The following FAM151A variants were observed in gnomAD, a reference collection of about 807,000 sequenced individuals.
The protein encoded by FAM151A is protein FAM151A.
In FAM151A, 41 loss-of-function variants were observed where a neutral mutation model predicts 40.4. That is an observed-to-expected ratio of 1.01 (90% CI 0.79 to 1.32). FAM151A has a LOEUF of 1.32. Among genes scored for constraint, FAM151A ranks in the 40% most tolerant of loss-of-function variants. FAM151A has a pLI of 0.00. For missense variants in FAM151A, 740 were observed against 740.4 expected (o/e 1.00, Z 0.01); for synonymous variants, 337 against 312.5 (o/e 1.08, Z -0.83).
chr1:54,620,049 C>T lies in FAM151A; in HGVS notation c.119-42G>A, dbSNP rs200525972. On this transcript the variant is annotated intron_variant, in intron 1 of 7. Coordinates refer to ENST00000302250, the MANE Select transcript of FAM151A (RefSeq NM_176782.3). ...GGGGCTGTTAGCGTCTGTCCTCGCC[C>T]CAGCCCAAGACTCATGTTCGTTCAT... 4.6e-5 allele frequency: 73 copies of T among 1,601,726 alleles called. 1 individual carries two copies. The African/African-American group carries it at 9.1e-4, about 20-fold the overall frequency.
At chr1:54,616,285 A>G in intron 2 of FAM151A, 113 bp from the exon 3 acceptor site, 1 of 936,388 alleles carries the variant, frequency 1.1e-6, no homozygotes. Context: ...GAAAAGTGGA[A>G]GAGGAAAATA....
chr1:54,612,377 A>G, intron 5 of FAM151A, 109 bp downstream of exon 5: 3 of 745,636 alleles, frequency 4.0e-6, no homozygotes, highest in South Asian at 3.4e-5. Flanking sequence ...GAGCACTGGC[A>G]GGGGTTGGAC....
chr1:54,612,446 G>T, intron 5 of FAM151A, 40 bp downstream of exon 5: 1 of 1,454,024 alleles, frequency 6.9e-7, no homozygotes, highest in Non-Finnish European at 9.6e-7. Context: ...GGGGGCATCA[G>T]TGCCTCCAGG....
At chr1:54,618,183 G>A (rs1054554055) in intron 2 of FAM151A, among the ~76,000 whole-genome samples, 1 of 152,078 alleles carries the variant, frequency 6.6e-6, no homozygotes, top group Non-Finnish European at 1.5e-5. Flanking sequence ...GGCACCTCCT[G>A]CTCATCCTTT....
At chr1:54,610,886 C>T (rs1247027685) in intron 6 of FAM151A, 5 of 985,356 alleles carry the variant, frequency 5.1e-6, no homozygotes, top group Middle Eastern at 5.2e-4. Flanking sequence ...AACTGCGGCT[C>T]TTCTGGGTTC....
intron 2 of FAM151A, among the ~76,000 whole-genome samples, chr1:54,617,046 G>A (rs745999192): frequency 2.0e-5 from 3 of 152,120 alleles, no homozygotes; most frequent in Non-Finnish European, 4.4e-5. Context: ...ACTGCTTTCC[G>A]GAAAAGTTGT....
In FAM151A at chr1:54,609,426, G is replaced by A. The variant is rs41297135; in HGVS notation, c.1600C>T (p.Arg534Trp). The change falls in exon 8 of 8, where the codon CGG (arginine) becomes TGG (tryptophan). Residue 534 changes from arginine (R) to tryptophan (W), a missense_variant. Arg to Trp is a moderately radical substitution (Grantham distance 101). Coordinates refer to ENST00000302250, the MANE Select transcript of FAM151A (RefSeq NM_176782.3). Reference sequence around the variant, plus strand: ...TTGTGCTCCACTGTGACGGTGGCCCGGGGGGAGGATGCCAGCAGCCTGCCT... The same window carrying A: ...TTGTGCTCCACTGTGACGGTGGCCCAGGGGGAGGATGCCAGCAGCCTGCCT... Reference protein sequence around the residue: ...AIGRLLASSPRATVTVEHNPA... With the variant: ...AIGRLLASSPWATVTVEHNPA... 1.4e-5 allele frequency: 22 copies of A among 1,613,334 alleles called. No homozygotes were observed. The highest frequency in any genetic ancestry group is 3.3e-4 in the Middle Eastern group (2 of 6,082).
rs1644147633 is a variant in FAM151A, at chr1:54,614,233, G to A, written c.575+467C>T. Among the ~76,000 whole-genome samples the A allele has an allele frequency of 2.0e-5, 3 of 152,250 alleles. No homozygotes were observed. The South Asian group carries it at 6.2e-4, about 32-fold the overall frequency. On this transcript the variant is annotated intron_variant, in intron 4 of 7. Coordinates refer to ENST00000302250, the MANE Select transcript of FAM151A (RefSeq NM_176782.3). ...TGTGAGGGCTGTGAGCAGCGGTGCT[G>A]GAATTCATGAGGGGAATTCCAGCTG...
intron 6 of FAM151A, among the ~76,000 whole-genome samples, chr1:54,611,292 G>A (rs1258685984): frequency 6.6e-6 from 1 of 152,044 alleles, no homozygotes; most frequent in Non-Finnish European, 1.5e-5. Context: ...AAAATTAGCC[G>A]GGCATGGTGG....
intron 3 of FAM151A, 103 bp from the exon 4 acceptor site, chr1:54,614,962 G>GTGTTCA: frequency 8.6e-7 from 1 of 1,164,722 alleles, no homozygotes. Context: ...GTGCATGTGC[G>GTGTTCA]TGCACAGTGG....
chr1:54,612,738 C>G, intron 4 of FAM151A, 28 bp from the exon 5 acceptor site: 2 of 1,578,500 alleles, frequency 1.3e-6, no homozygotes, highest in Non-Finnish European at 1.7e-6. Flanking sequence ...ATGTTGGTCT[C>G]ACGGAGCTGC....
intron 1 of FAM151A, among the ~76,000 whole-genome samples, chr1:54,620,674 G>T (rs1557674545): frequency 7.0e-6 from 1 of 142,298 alleles, no homozygotes; most frequent in Admixed American, 7.0e-5. Flanking sequence ...GTGAAACCAT[G>T]TCTCTACTAC....
intron 4 of FAM151A, among the ~76,000 whole-genome samples, chr1:54,613,648 C>T (rs998736264): frequency 6.6e-5 from 10 of 152,120 alleles, no homozygotes; most frequent in South Asian, 2.1e-4. Context: ...TTGTACTTTT[C>T]TTCTTCAAAA....
intron 1 of FAM151A, among the ~76,000 whole-genome samples, chr1:54,620,444 G>A (rs71637857): frequency 1.3e-5 from 2 of 152,232 alleles, no homozygotes; most frequent in Non-Finnish European, 2.9e-5. Context: ...GGTGGCTCAT[G>A]CCTGTAATCC....
At chr1:54,617,261 G>A (rs1644182548) in intron 2 of FAM151A, among the ~76,000 whole-genome samples, 1 of 152,158 alleles carries the variant, frequency 6.6e-6, no homozygotes, top group Non-Finnish European at 1.5e-5. Flanking sequence ...CACTTGAAGA[G>A]TGTAGTGGAG....
At chr1:54,621,537 C>T (rs986201558) in intron 1 of FAM151A, 3 of 152,138 alleles carry the variant, frequency 2.0e-5, no homozygotes, top group African/African-American at 7.2e-5. Context: ...TGAATGGCCT[C>T]GAACTTTAGC....
chr1:54,610,826 G>C, intron 6 of FAM151A: 2 of 985,404 alleles, frequency 2.0e-6, no homozygotes, highest in Non-Finnish European at 2.4e-6. Context: ...CGCTTAGGTG[G>C]CTCCCATGGC....
At chr1:54,618,219 C>G (rs953903169) in intron 2 of FAM151A, among the ~76,000 whole-genome samples, 4 of 152,144 alleles carry the variant, frequency 2.6e-5, no homozygotes, top group Admixed American at 1.3e-4. Flanking sequence ...AAATCACCTC[C>G]TCAGCCGGGC....
chr1:54,623,230 C>T (rs202057124), intron 1 of FAM151A, 48 bp downstream of exon 1: 31 of 1,252,810 alleles, frequency 2.5e-5, no homozygotes, highest in African/African-American at 7.4e-5. Context: ...GGATAAGGAG[C>T]GAGCGATGAG....
Sources: allele counts gnomAD v4.1 joint callset (sites outside exome capture counted in the v4.1 genomes callset), GRCh38; gene constraint gnomAD v4.1.1; transcripts MANE v1.5; gene names NCBI Gene and HGNC (gene_info 2026-07-23, HGNC 2026-07-21).